CADPS2: variants seen among roughly 807,000 people sequenced by gnomAD.
The protein encoded by CADPS2 is calcium-dependent secretion activator 2.
CADPS2 carries 93 observed loss-of-function variants against 172.5 expected under a neutral mutation model. That is an observed-to-expected ratio of 0.54 (90% CI 0.46 to 0.64). CADPS2 has a LOEUF of 0.64. CADPS2 is among the 30% of genes least tolerant of loss of function. The pLI is 0.00. For missense variants in CADPS2, 1,420 were observed against 1,565.9 expected (o/e 0.91, Z 1.57); for synonymous variants, 546 against 555.2 (o/e 0.98, Z 0.23).
chr7:122,730,758 A>AT (rs2137498687), intron 2 of CADPS2, among the ~76,000 whole-genome samples: 1 of 151,712 alleles, frequency 6.6e-6, no homozygotes, highest in South Asian at 2.1e-4. Context: ...ATAATGTACT[A>AT]TTTTTAGAGC....
At chr7:122,496,247 C>A (rs1430263021) in intron 9 of CADPS2, among the ~76,000 whole-genome samples, 1 of 152,122 alleles carries the variant, frequency 6.6e-6, no homozygotes, top group African/African-American at 2.4e-5. Flanking sequence ...CTGCAACCTC[C>A]ACCTCCTGGG....
intron 1 of CADPS2, among the ~76,000 whole-genome samples, chr7:122,883,655 A>G (rs1296078307): frequency 6.6e-6 from 1 of 152,200 alleles, no homozygotes; most frequent in East Asian, 1.9e-4. Context: ...CAGACTGCCA[A>G]AAGTTGCTCC....
chr7:122,728,993 T>TA (rs1345777959), intron 2 of CADPS2, among the ~76,000 whole-genome samples: 2 of 151,798 alleles, frequency 1.3e-5, no homozygotes, highest in African/African-American at 4.8e-5. Context: ...TTGTATCCAT[T>TA]ACCCAACCTC....
intron 11 of CADPS2, among the ~76,000 whole-genome samples, chr7:122,487,457 A>G (rs1486977078): frequency 6.6e-6 from 1 of 152,214 alleles, no homozygotes; most frequent in Non-Finnish European, 1.5e-5. Context: ...CCAATAAGAA[A>G]ATAGCCTAAT....
chr7:122,588,671 T>C (rs1241076202), intron 6 of CADPS2, among the ~76,000 whole-genome samples: 2 of 151,926 alleles, frequency 1.3e-5, no homozygotes, highest in East Asian at 3.9e-4. Flanking sequence ...AAGTAGAAAA[T>C]CTTTCCAAAA....
At chr7:122,622,154 T>A (rs1452321836) in intron 4 of CADPS2, among the ~76,000 whole-genome samples, 1 of 152,192 alleles carries the variant, frequency 6.6e-6, no homozygotes, top group African/African-American at 2.4e-5. Flanking sequence ...AATAGCCCAA[T>A]TTCTTACCAC....
rs1340566920 is a variant in CADPS2, at chr7:122,663,484, T to G, written c.539A>C (p.Asn180Thr). 2 of 1,613,676 alleles carry G rather than the reference T, an allele frequency of 1.2e-6. No individual in the cohort carries two copies. The highest frequency in any genetic ancestry group is 1.7e-6 in the Non-Finnish European group (2 of 1,179,826). ...ANDFREVFKK[N>T]IEKRVRSLPE... ...CAAACTCCGCACACGTTTTTCTATG[T>G]TTTTCTTAAATACTTCTCTGAAGTC... The change falls in exon 3 of 30, where the codon AAC becomes ACC. Residue 180 changes from asparagine to threonine, a missense_variant. Transcript: ENST00000449022.
At chr7:122,815,881 TAA>T (rs990615900) in intron 1 of CADPS2, among the ~76,000 whole-genome samples, 1 of 152,150 alleles carries the variant, frequency 6.6e-6, no homozygotes, top group African/African-American at 2.4e-5. Flanking sequence ...AAAAAAAAAT[TAA>T]AAGTTTTATT....
intron 8 of CADPS2, among the ~76,000 whole-genome samples, chr7:122,526,575 T>C (rs1234300078): frequency 6.6e-6 from 1 of 152,208 alleles, no homozygotes; most frequent in African/African-American, 2.4e-5. Context: ...ACTCTTCCAA[T>C]TGTTCACATG....
intron 19 of CADPS2, among the ~76,000 whole-genome samples, chr7:122,409,241 C>T (rs1445673235): frequency 5.3e-5 from 8 of 152,180 alleles, no homozygotes; most frequent in Non-Finnish European, 1.2e-4. Flanking sequence ...ACCTGAGATT[C>T]TCAGCTCTGA....
chr7:122,878,029 C>CG (rs11379124), intron 1 of CADPS2, among the ~76,000 whole-genome samples: 126,630 of 151,626 alleles, frequency 0.84, 53,511 homozygotes, highest in African/African-American at 0.95. Context: ...GAGGCCGAGG[C>CG]GGTGGATCAT....
At chr7:122,541,839 TTATATATTCATATA>T (rs1563648953) in intron 8 of CADPS2, among the ~76,000 whole-genome samples, 1 of 65,142 alleles carries the variant, frequency 1.5e-5, no homozygotes, top group Non-Finnish European at 3.6e-5. Flanking sequence ...ATTCATATGT[TTATATATTCATATA>T]TATTTATATA....
chr7:122,744,972 T>TTTTTTTTTTTACTTTATTGAACTATA (rs1562920259), intron 1 of CADPS2, among the ~76,000 whole-genome samples: 2 of 149,462 alleles, frequency 1.3e-5, no homozygotes, highest in African/African-American at 4.9e-5. Flanking sequence ...TCATTTTTCT[T>TTTTTTTTTTTACTTTATTGAACTATA]TTTTTTTTTA....
intron 15 of CADPS2, among the ~76,000 whole-genome samples, chr7:122,444,554 C>T (rs1018377554): frequency 6.6e-6 from 1 of 152,088 alleles, no homozygotes; most frequent in Non-Finnish European, 1.5e-5. Context: ...AATTGCAATT[C>T]CCTGTTGAAT....
intron 17 of CADPS2, 24 bp from the exon 18 acceptor site, chr7:122,416,188 A>C: frequency 7.2e-7 from 1 of 1,389,108 alleles, no homozygotes; most frequent in Non-Finnish European, 9.9e-7. Context: ...AATCATAATC[A>C]TGTTACCTTG....
intron 1 of CADPS2, among the ~76,000 whole-genome samples, chr7:122,738,853 G>A (rs7350029): frequency 0.16 from 21,095 of 131,338 alleles, 1,742 homozygotes; most frequent in African/African-American, 0.23. Context: ...CCCAGGGGGG[G>A]AAAAAAAAAA....
chr7:122,686,276 G>T (rs1005669531), intron 2 of CADPS2, among the ~76,000 whole-genome samples: 5 of 152,146 alleles, frequency 3.3e-5, no homozygotes. Context: ...TACTGGGAGA[G>T]GAAAGGATTT....
chr7:122,342,927 T>G (rs886705797), intron 28 of CADPS2, among the ~76,000 whole-genome samples: 1 of 152,156 alleles, frequency 6.6e-6, no homozygotes, highest in African/African-American at 2.4e-5. Context: ...TTTTCAACTG[T>G]TTTTTGACAC....
chr7:122,424,397 C>A, intron 17 of CADPS2: 19 of 893,598 alleles, frequency 2.1e-5, no homozygotes, highest in Non-Finnish European at 2.5e-5. Context: ...GAGAATTGGC[C>A]ACTAGAGTAT....
Sources: gnomAD v4.1 joint callset for allele counts (sites outside exome capture counted in the v4.1 genomes callset) on GRCh38, gnomAD v4.1.1 for gene constraint, MANE v1.5 for transcripts, NCBI Gene and HGNC (gene_info 2026-07-23, HGNC 2026-07-21) for gene names.